Variants in EBF2 observed in about 807,000 individuals in gnomAD.
The protein encoded by EBF2 is transcription factor COE2.
A neutral mutation model predicts 72.8 loss-of-function variants in EBF2; 21 were observed. The ratio of observed to expected loss-of-function variants is 0.29; its 90% CI spans 0.20 to 0.42. EBF2 has a LOEUF of 0.42. Ranked by LOEUF, EBF2 falls within the 10% of genes least tolerant of loss-of-function variation. The pLI is 1.00. For synonymous variants in EBF2, 299 were observed against 274.2 expected (o/e 1.09, Z -0.89); for missense variants, 637 against 731.2 (o/e 0.87, Z 1.49).
intron 6 of EBF2, among the ~76,000 whole-genome samples, chr8:25,990,472 G>A (rs1012634969): frequency 6.6e-6 from 1 of 152,134 alleles, no homozygotes; most frequent in Non-Finnish European, 1.5e-5. Flanking sequence ...TTGGGGCCAA[G>A]CACTCATGTT....
chr8:25,980,127 A>ACCC (rs1165194727), intron 6 of EBF2, among the ~76,000 whole-genome samples: 1 of 151,850 alleles, frequency 6.6e-6, no homozygotes, highest in African/African-American at 2.4e-5. Context: ...CTTGGGTGCT[A>ACCC]CCCCCTCAGA....
chr8:26,018,374 C>A (rs374040991), intron 6 of EBF2, among the ~76,000 whole-genome samples: 2 of 151,174 alleles, frequency 1.3e-5, no homozygotes, highest in Admixed American at 6.6e-5. Context: ...GAGAAACGGC[C>A]GGACGCGGTG....
intron 6 of EBF2, among the ~76,000 whole-genome samples, chr8:25,947,377 G>A (rs1478971934): frequency 6.6e-6 from 1 of 152,104 alleles, no homozygotes; most frequent in Admixed American, 6.5e-5. Context: ...CGTGTGTAAC[G>A]GTGAGTCAAT....
chr8:25,993,794 G>A (rs879566833), intron 6 of EBF2, among the ~76,000 whole-genome samples: 1 of 151,774 alleles, frequency 6.6e-6, no homozygotes, highest in Admixed American at 6.6e-5. Flanking sequence ...TGTCCATTAT[G>A]TCTTTTGGGG....
chr8:26,021,655 T>C (rs1483108487), intron 6 of EBF2, among the ~76,000 whole-genome samples: 14 of 152,230 alleles, frequency 9.2e-5, no homozygotes. Flanking sequence ...TGAAAAATGA[T>C]TGTTTATCTG....
chr8:26,034,970 T>C (rs892902079), intron 5 of EBF2, among the ~76,000 whole-genome samples: 1 of 152,184 alleles, frequency 6.6e-6, no homozygotes, highest in Non-Finnish European at 1.5e-5. Context: ...TTTTTCTTTC[T>C]TATGAATAAA....
At chr8:26,040,857 G>T (rs1398921519) in intron 3 of EBF2, 82 bp downstream of exon 3, 2 of 1,583,646 alleles carry the variant, frequency 1.3e-6, no homozygotes, top group Non-Finnish European at 1.7e-6. Context: ...CGATCCCTGA[G>T]AGTGATCATG....
chr8:26,040,897 G>A (rs765307834), intron 3 of EBF2, 42 bp downstream of exon 3: 1 of 1,613,124 alleles, frequency 6.2e-7, no homozygotes, highest in Non-Finnish European at 8.5e-7. Flanking sequence ...CCCGGAAGCC[G>A]GCTGCTAGGC....
intron 7 of EBF2, among the ~76,000 whole-genome samples, chr8:25,903,787 A>C (rs900529467): frequency 5.9e-5 from 9 of 152,226 alleles, no homozygotes; most frequent in African/African-American, 1.9e-4. Flanking sequence ...ATAGATACTT[A>C]GGAGGAGGCA....
intron 6 of EBF2, among the ~76,000 whole-genome samples, chr8:26,000,200 G>A (rs779880992): frequency 2.6e-5 from 4 of 152,094 alleles, no homozygotes; most frequent in Non-Finnish European, 1.5e-5. Flanking sequence ...CCTTCTGTTT[G>A]GCTTTATGTT....
At chr8:26,042,793 G>T (rs7826984) in intron 1 of EBF2, among the ~76,000 whole-genome samples, 6,337 of 152,282 alleles carry the variant, frequency 0.042, 461 homozygotes, top group African/African-American at 0.14. Context: ...GACTGGGAAA[G>T]GTAGTGGGTA....
At chr8:26,011,010 C>T (rs1200547326) in intron 6 of EBF2, among the ~76,000 whole-genome samples, 2 of 125,994 alleles carry the variant, frequency 1.6e-5, no homozygotes, top group African/African-American at 3.0e-5. Context: ...CACACACACA[C>T]ACACATCTCT....
chr8:25,853,413 G>A (rs996488130), intron 14 of EBF2, among the ~76,000 whole-genome samples: 3 of 151,992 alleles, frequency 2.0e-5, no homozygotes, highest in African/African-American at 7.2e-5. Context: ...ATGACCAAGA[G>A]AGATCCATAT....
At position 25,864,077 on chromosome 8, in the gene EBF2, C is replaced by A. The variant is rs145870855; in HGVS notation, c.1010-1280G>T. On this transcript the variant is annotated intron_variant, in intron 10 of 15. Coordinates refer to ENST00000520164, the MANE Select transcript of EBF2 (RefSeq NM_022659.4). ...CCTAATTTCTCACTATTATAAATAT[C>A]GAGCAATAATTATCCTTTGTGCATA... is the stretch of plus-strand genomic sequence containing the variant. 1.3e-3 allele frequency among the ~76,000 whole-genome samples: 205 copies of A among 152,184 alleles called. 1 individual carries two copies. Among genetic ancestry groups the A allele is most frequent in the African/African-American group, 4.8e-3 (199 of 41,528 alleles).
chr8:25,929,151 G>T (rs368810956), intron 6 of EBF2, among the ~76,000 whole-genome samples: 1 of 152,286 alleles, frequency 6.6e-6, no homozygotes, highest in Admixed American at 6.5e-5. Context: ...TGCTCATGTT[G>T]ATTCATTTAA....
chr8:25,937,119 G>A (rs1803592724), intron 6 of EBF2, among the ~76,000 whole-genome samples: 1 of 152,176 alleles, frequency 6.6e-6, no homozygotes, highest in African/African-American at 2.4e-5. Context: ...TGAGATGTCA[G>A]AAGGTATAAG....
chr8:25,940,018 A>G (rs999605108), intron 6 of EBF2, among the ~76,000 whole-genome samples: 3 of 152,240 alleles, frequency 2.0e-5, no homozygotes, highest in Non-Finnish European at 4.4e-5. Flanking sequence ...AGTAGGCTGG[A>G]GCAAATGATA....
In EBF2 at chr8:25,858,155, C is replaced by G. The variant is rs1458013641; in HGVS notation, c.1528+164G>C. The G allele has an allele frequency of 3.3e-6, 3 of 901,212 alleles. No homozygotes were observed. The Admixed American group carries it at 6.0e-5, about 18-fold the overall frequency. 55.8% of individuals were successfully genotyped at this position (901,212 alleles called of 1,614,324 possible). A position where few individuals can be genotyped will look rare whatever the true frequency, so the allele number is the denominator to read the frequency against. On this transcript the variant is annotated intron_variant, in intron 14 of 15. Coordinates refer to ENST00000520164, the MANE Select transcript of EBF2 (RefSeq NM_022659.4). Reference sequence around the variant, plus strand: ...AGTAACCACGTGAGCCAAAGTCCAGCTAAGGGAAAAGAACGAAAGGCAGGA... The same window carrying G: ...AGTAACCACGTGAGCCAAAGTCCAGGTAAGGGAAAAGAACGAAAGGCAGGA...
chr8:25,898,276 A>T lies in EBF2; in HGVS notation c.634-8407T>A, dbSNP rs75247596. 2.3e-3 allele frequency among the ~76,000 whole-genome samples: 349 copies of T among 152,248 alleles called. 16 individuals are homozygous for T. The East Asian group carries it at 0.057, about 25-fold the overall frequency. Reference sequence around the variant, plus strand: ...GACCTTGAAGAACTGGGGGAGTTACACAACTTGAGATTACTGAGATGATTA... The same window carrying T: ...GACCTTGAAGAACTGGGGGAGTTACTCAACTTGAGATTACTGAGATGATTA... On this transcript the variant is annotated intron_variant, in intron 7 of 15. Transcript: ENST00000520164.
Sources: gnomAD v4.1 joint callset for allele counts (sites outside exome capture counted in the v4.1 genomes callset) on GRCh38, gnomAD v4.1.1 for gene constraint, MANE v1.5 for transcripts, NCBI Gene and HGNC (gene_info 2026-07-23, HGNC 2026-07-21) for gene names.